ATP11A: variants seen among roughly 807,000 people sequenced by gnomAD.
ATP11A encodes phospholipid-transporting ATPase IH.
Under a neutral mutation model 154.4 loss-of-function variants are expected in ATP11A, and 81 were observed. The ratio of observed to expected loss-of-function variants is 0.52; its 90% CI spans 0.44 to 0.63. ATP11A has a LOEUF of 0.63. Ranked by LOEUF, ATP11A falls within the 30% of genes least tolerant of loss-of-function variation. The pLI is 0.00. For synonymous variants in ATP11A, 623 were observed against 585.9 expected (o/e 1.06, Z -0.91); for missense variants, 1,316 against 1,474.3 (o/e 0.89, Z 1.76).
At chr13:112,722,682 T>C (rs761629654) in intron 1 of ATP11A, among the ~76,000 whole-genome samples, 10 of 152,200 alleles carry the variant, frequency 6.6e-5, no homozygotes, top group Non-Finnish European at 1.2e-4. Context: ...AAATTTACTT[T>C]TGGTTTACAT....
rs566002802 is a variant in ATP11A at position 112,779,248 on chromosome 13, C to T, written c.40-5887C>T. Among the ~76,000 whole-genome samples the T allele has an allele frequency of 5.6e-5, 7 of 124,574 alleles. No individual in the cohort carries two copies. The East Asian group carries it at 1.0e-3, about 18-fold the overall frequency. 81.7% of individuals were successfully genotyped at this position (124,574 alleles called of 152,430 possible). A position where few individuals can be genotyped will look rare whatever the true frequency, so the allele number is the denominator to read the frequency against. On this transcript the variant is annotated intron_variant, in intron 1 of 29. Transcript: ENST00000375645. Reference sequence around the variant, plus strand: ...AGTGAGGAGTAGCCACTGGAGTAGCCGCTGGAGTGAGGAGTAGCCGCTGGA... The same window carrying T: ...AGTGAGGAGTAGCCACTGGAGTAGCTGCTGGAGTGAGGAGTAGCCGCTGGA...
At chr13:112,719,655 CTTCAG>C (rs1888926757) in intron 1 of ATP11A, among the ~76,000 whole-genome samples, 2 of 151,936 alleles carry the variant, frequency 1.3e-5, no homozygotes, top group African/African-American at 4.8e-5. Context: ...CTTCAGGTTA[CTTCAG>C]GTTACTTCAG....
At chr13:112,814,629 G>A (rs888338099) in intron 5 of ATP11A, among the ~76,000 whole-genome samples, 6 of 152,116 alleles carry the variant, frequency 3.9e-5, no homozygotes, top group Non-Finnish European at 7.4e-5. Flanking sequence ...CCTTTTCCAC[G>A]GAGTGGCGCT....
At chr13:112,720,523 T>C (rs1889027886) in intron 1 of ATP11A, among the ~76,000 whole-genome samples, 2 of 152,088 alleles carry the variant, frequency 1.3e-5, no homozygotes, top group African/African-American at 4.8e-5. Flanking sequence ...CGGGGCTTTA[T>C]CACGCAGATG....
At chr13:112,743,387 G>A (rs749550487) in intron 1 of ATP11A, among the ~76,000 whole-genome samples, 3 of 141,750 alleles carry the variant, frequency 2.1e-5, no homozygotes, top group African/African-American at 9.5e-5. Flanking sequence ...TGACGGCATA[G>A]GCAGGTGTTG....
At position 112,862,330 on chromosome 13, in the gene ATP11A, C is replaced by A. The variant is rs547581723; in HGVS notation, c.2856-110C>A. 1.2e-3 allele frequency: 1,624 copies of A among 1,329,056 alleles called. 13 individuals are homozygous for A. The highest frequency in any genetic ancestry group is 0.011 in the Middle Eastern group (39 of 3,710). The allele number at this position is 1,329,056 out of a possible 1,614,324, so 82.3% of individuals were successfully genotyped here. On this transcript the variant is annotated intron_variant, in intron 24 of 29. Transcript: ENST00000375645. ...ACAAACTTGATGTTTACTGGCCGTGCACATCTTATCCCATGAAGACAACGT... is the reference window on the plus strand; with the variant it reads ...ACAAACTTGATGTTTACTGGCCGTGAACATCTTATCCCATGAAGACAACGT...
At chr13:112,728,321 T>A (rs772989706) in intron 1 of ATP11A, among the ~76,000 whole-genome samples, 57 of 144,780 alleles carry the variant, frequency 3.9e-4, no homozygotes, top group Non-Finnish European at 7.0e-4. Flanking sequence ...GCCATGAGAC[T>A]GCGGCCCGCC....
chr13:112,820,861 A>G (rs1323082136), intron 8 of ATP11A, among the ~76,000 whole-genome samples: 1 of 152,230 alleles, frequency 6.6e-6, no homozygotes, highest in African/African-American at 2.4e-5. Context: ...CATCTCCCAG[A>G]CACAGAAACA....
chr13:112,731,510 A>G (rs1454219151), intron 1 of ATP11A, among the ~76,000 whole-genome samples: 1 of 152,116 alleles, frequency 6.6e-6, no homozygotes, highest in East Asian at 1.9e-4. Context: ...ATTGCACGGC[A>G]CTCACTAGTT....
chr13:112,855,959 A>C lies in ATP11A; in HGVS notation c.2292A>C (p.Ala764=), dbSNP rs375883755. Residue 764 remains alanine, a synonymous_variant, in exon 20 of 30, where the codon GCA becomes GCC. Transcript: ENST00000375645. ...QDYGLIIDGA[A]LSLIMKPRED... Reference sequence around the variant, plus strand: ...ACGGTTTAATTATCGACGGAGCTGCACTGTCTCTGATAATGAAGCCTCGAG... The same window carrying C: ...ACGGTTTAATTATCGACGGAGCTGCCCTGTCTCTGATAATGAAGCCTCGAG... 941 of 1,614,220 alleles carry C rather than the reference A, an allele frequency of 5.8e-4. 10 individuals carry two copies. In the South Asian group the frequency reaches 9.7e-3, roughly 17 times the overall value.
At chr13:112,822,111 G>A (rs1395214799) in intron 8 of ATP11A, among the ~76,000 whole-genome samples, 2 of 152,176 alleles carry the variant, frequency 1.3e-5, no homozygotes, top group African/African-American at 4.8e-5. Flanking sequence ...CATGATAGAA[G>A]GACAGTAAAT....
chr13:112,713,408 T>C (rs1887989402), intron 1 of ATP11A, among the ~76,000 whole-genome samples: 1 of 151,980 alleles, frequency 6.6e-6, no homozygotes, highest in Non-Finnish European at 1.5e-5. Context: ...AAAAAATAAA[T>C]AAAAACATGG....
chr13:112,804,632 G>A (rs561517485), intron 2 of ATP11A, among the ~76,000 whole-genome samples: 1 of 150,794 alleles, frequency 6.6e-6, no homozygotes, highest in South Asian at 2.1e-4. Context: ...AGAAATTACT[G>A]AAGTAAAATG....
intron 1 of ATP11A, among the ~76,000 whole-genome samples, chr13:112,784,327 C>G (rs1171907765): frequency 6.6e-6 from 1 of 152,182 alleles, no homozygotes; most frequent in African/African-American, 2.4e-5. Context: ...GCGGGCATGT[C>G]TTATGGAAAG....
chr13:112,810,535 C>A, intron 4 of ATP11A, 84 bp from the exon 5 acceptor site: 1 of 1,153,628 alleles, frequency 8.7e-7, no homozygotes, highest in Non-Finnish European at 1.3e-6. Flanking sequence ...CATAATTAAA[C>A]ACAAGCCTTC....
rs1211578335 is a variant in ATP11A, at chr13:112,816,137, T to C, written c.496T>C (p.Phe166Leu). Residue 166 changes from phenylalanine to leucine, a missense_variant, in exon 6 of 30, where the codon TTC becomes CTC. Around this residue, in one of 5 missense-constraint regions of ATP11A, gnomAD observed 876 missense variants for 1,006.8 expected, o/e 0.87. Transcript: ENST00000375645. ...EDETFPCDLI[F>L]LSSNRGDGTC... is the part of the protein sequence containing the mutation. ...CGAGACCTTTCCCTGCGACTTGATC[T>C]TCCTTTCCAGCAACCGGGGAGATGG... 6 of 1,614,242 alleles carry C rather than the reference T, an allele frequency of 3.7e-6. No individual in the cohort carries two copies. Among genetic ancestry groups the C allele is most frequent in the Non-Finnish European group, 4.2e-6 (5 of 1,180,052 alleles).
At chr13:112,856,938 C>T (rs1024621418) in intron 20 of ATP11A, 4 of 152,200 alleles carry the variant, frequency 2.6e-5, no homozygotes, top group Non-Finnish European at 4.4e-5. Flanking sequence ...CTCAGAATGA[C>T]GAGCCTAGAG....
Position 112,746,047 on chromosome 13 carries a change from G to A in ATP11A, c.40-39088G>A, listed in dbSNP as rs1439438745. The A allele has an allele frequency of 6.6e-6, 1 of 151,810 alleles. No individual in the cohort carries two copies. Among genetic ancestry groups the A allele is most frequent in the African/African-American group, 2.4e-5 (1 of 41,114 alleles). The allele number at this position is 151,810 out of a possible 1,614,324, so 9.4% of individuals were successfully genotyped here. On this transcript the variant is annotated intron_variant, in intron 1 of 29. Transcript: ENST00000375645. The surrounding 1 kb of genome is among the most constrained non-coding windows in gnomAD (Gnocchi z 4.1). ...TCGTTTTGTGGCGGAATCACGTTCT[G>A]TTGTGTGTATACACCACGTTTTTCT...
At position 112,834,691 on chromosome 13, in the gene ATP11A, A is replaced by G. The variant is rs899995587; in HGVS notation, c.1631+31A>G. On this transcript the variant is annotated intron_variant, in intron 15 of 29. Transcript: ENST00000375645. ...TGCAGACCTCACCCTCAGATGTGAAAGGACTAACGAATAAAGAGTGTTCTT... is the reference window on the plus strand; with the variant it reads ...TGCAGACCTCACCCTCAGATGTGAAGGGACTAACGAATAAAGAGTGTTCTT... The G allele has an allele frequency of 6.6e-6, 10 of 1,524,214 alleles. No homozygotes were observed. The Admixed American group carries it at 6.8e-5, about 10-fold the overall frequency. The allele number at this position is 1,524,214 out of a possible 1,614,324, so 94.4% of individuals were successfully genotyped here. A position where few individuals can be genotyped will look rare whatever the true frequency, so the allele number is the denominator to read the frequency against.
Sources: allele counts gnomAD v4.1 joint callset (sites outside exome capture counted in the v4.1 genomes callset), GRCh38; gene constraint gnomAD v4.1.1; regional missense constraint gnomAD v4.1.1; non-coding constraint Gnocchi (gnomAD v3.1); transcripts MANE v1.5; gene names NCBI Gene and HGNC (gene_info 2026-07-23, HGNC 2026-07-21).